Variants in AGBL4 observed in about 807,000 individuals in gnomAD.
The protein encoded by AGBL4 is AGBL carboxypeptidase 4.
In AGBL4, 58 loss-of-function variants were observed where a neutral mutation model predicts 66.4. The ratio of observed to expected loss-of-function variants is 0.87; its 90% CI spans 0.71 to 1.09. The LOEUF is 1.09. Among genes scored for constraint, AGBL4 ranks in the 50% least tolerant of loss-of-function variants. The pLI is 0.00. For missense variants in AGBL4, 579 were observed against 631.0 expected (o/e 0.92, Z 0.88); for synonymous variants, 234 against 222.9 (o/e 1.05, Z -0.44).
chr1:48,550,907 G>A (rs1015902680), intron 11 of AGBL4, among the ~76,000 whole-genome samples: 3 of 152,184 alleles, frequency 2.0e-5, no homozygotes, highest in Admixed American at 2.0e-4. Flanking sequence ...GTTGCCTACC[G>A]TACTTCTTAA....
intron 6 of AGBL4, among the ~76,000 whole-genome samples, chr1:48,777,959 A>AG (rs34155104): frequency 6.6e-6 from 1 of 152,094 alleles, no homozygotes; most frequent in East Asian, 1.9e-4. Context: ...GACCAGCCAA[A>AG]GGGGGCTGAT....
chr1:49,513,516 G>A (rs1649468441), intron 3 of AGBL4, among the ~76,000 whole-genome samples: 1 of 151,840 alleles, frequency 6.6e-6, no homozygotes, highest in African/African-American at 2.4e-5. Context: ...AACATGTTTG[G>A]TTTTCTGTTC....
intron 9 of AGBL4, among the ~76,000 whole-genome samples, chr1:48,602,547 C>G (rs1223086448): frequency 6.6e-6 from 1 of 152,176 alleles, no homozygotes; most frequent in Non-Finnish European, 1.5e-5. Context: ...TGCTGCGAGA[C>G]AGCAGTTCAA....
At chr1:48,784,529 C>A in intron 6 of AGBL4, among the ~76,000 whole-genome samples, 1 of 152,194 alleles carries the variant, frequency 6.6e-6, no homozygotes, top group East Asian at 1.9e-4. Context: ...GCAAATACTT[C>A]TGAAATACTG....
At chr1:49,853,156 G>A (rs1048914178) in intron 1 of AGBL4, among the ~76,000 whole-genome samples, 3 of 152,018 alleles carry the variant, frequency 2.0e-5, no homozygotes, top group African/African-American at 4.8e-5. Context: ...TGATACGCAG[G>A]ACCAGACACA....
intron 4 of AGBL4, among the ~76,000 whole-genome samples, chr1:49,094,201 G>A (rs1256592239): frequency 6.6e-6 from 1 of 152,114 alleles, no homozygotes; most frequent in Admixed American, 6.6e-5. Flanking sequence ...CATATGGGCA[G>A]TAGGTTGAAT....
At chr1:49,663,962 A>C (rs1289164394) in intron 3 of AGBL4, among the ~76,000 whole-genome samples, 1 of 151,994 alleles carries the variant, frequency 6.6e-6, no homozygotes, top group Non-Finnish European at 1.5e-5. Flanking sequence ...AGAAAACAGA[A>C]CAGGAGTTAT....
chr1:48,886,614 G>A (rs960085336), intron 5 of AGBL4, among the ~76,000 whole-genome samples: 1 of 151,932 alleles, frequency 6.6e-6, no homozygotes, highest in South Asian at 2.1e-4. Flanking sequence ...GTGCAGTGGC[G>A]CTATCTCCAC....
chr1:48,761,141 T>A, intron 6 of AGBL4: 1 of 578,026 alleles, frequency 1.7e-6, no homozygotes. Context: ...ACAGCATGAA[T>A]CAGGGCTCTC....
rs558850868 is a variant in AGBL4, at chr1:48,836,029, G to C, written c.634+31162C>G. 2.0e-5 allele frequency among the ~76,000 whole-genome samples: 3 copies of C among 152,200 alleles called. No individual in the cohort carries two copies. The South Asian group carries it at 6.2e-4, about 32-fold the overall frequency. Reference sequence around the variant, plus strand: ...GAAATGACCACATGTACTGTTTGACGAGTGGTTCCAGGGACACCAGTTAGA... The same window carrying C: ...GAAATGACCACATGTACTGTTTGACCAGTGGTTCCAGGGACACCAGTTAGA... On this transcript the variant is annotated intron_variant, in intron 6 of 13. Coordinates refer to ENST00000371839, the MANE Select transcript of AGBL4 (RefSeq NM_032785.4).
At chr1:48,735,445 A>C (rs1370244839) in intron 6 of AGBL4, among the ~76,000 whole-genome samples, 2 of 151,510 alleles carry the variant, frequency 1.3e-5, no homozygotes, top group African/African-American at 4.9e-5. Context: ...AGAGAGGAGG[A>C]AGGAGAGAAA....
intron 6 of AGBL4, among the ~76,000 whole-genome samples, chr1:48,765,264 T>C (rs1019927734): frequency 6.6e-6 from 1 of 152,168 alleles, no homozygotes; most frequent in African/African-American, 2.4e-5. Flanking sequence ...CAAACAAAAA[T>C]GTTTAATTAA....
chr1:49,546,080 C>T (rs1466864330), intron 3 of AGBL4, among the ~76,000 whole-genome samples: 3 of 152,072 alleles, frequency 2.0e-5, no homozygotes, highest in African/African-American at 4.8e-5. Context: ...ATTCTGATGC[C>T]TTTGCGTCCT....
intron 3 of AGBL4, among the ~76,000 whole-genome samples, chr1:49,603,571 T>TAAACAAAC (rs768454984): frequency 5.2e-5 from 7 of 135,134 alleles, no homozygotes; most frequent in East Asian, 2.2e-4. Flanking sequence ...AATAAATAAA[T>TAAACAAAC]AAACAAATAA....
chr1:49,487,394 C>T (rs561218956), intron 3 of AGBL4, among the ~76,000 whole-genome samples: 2 of 152,026 alleles, frequency 1.3e-5, no homozygotes, highest in Admixed American at 6.6e-5. Context: ...AATTGTAATT[C>T]TCATAATCCC....
intron 1 of AGBL4, among the ~76,000 whole-genome samples, chr1:49,972,108 G>A (rs887275100): frequency 4.0e-5 from 6 of 150,848 alleles, no homozygotes; most frequent in East Asian, 3.9e-4. Flanking sequence ...CAGTAGAGAC[G>A]GGGTTTCACC....
intron 1 of AGBL4, among the ~76,000 whole-genome samples, chr1:49,927,353 T>C (rs559207284): frequency 6.6e-6 from 1 of 152,282 alleles, no homozygotes; most frequent in South Asian, 2.1e-4. Flanking sequence ...GGACTCAAAG[T>C]TCCACATGGC....
chr1:49,533,172 CA>C (rs1359775875), intron 3 of AGBL4, among the ~76,000 whole-genome samples: 1 of 152,148 alleles, frequency 6.6e-6, no homozygotes, highest in Non-Finnish European at 1.5e-5. Flanking sequence ...ACCACACCCA[CA>C]ATACCACCTA....
chr1:49,647,282 TAAATA>T (rs1645908743), intron 3 of AGBL4, among the ~76,000 whole-genome samples: 1 of 151,908 alleles, frequency 6.6e-6, no homozygotes, highest in Non-Finnish European at 1.5e-5. Context: ...AGTAAAAAGC[TAAATA>T]AATTGAAAAA....
Sources: allele counts gnomAD v4.1 joint callset (sites outside exome capture counted in the v4.1 genomes callset), GRCh38; gene constraint gnomAD v4.1.1; transcripts MANE v1.5; gene names NCBI Gene and HGNC (gene_info 2026-07-23, HGNC 2026-07-21).